MYO9A: variants seen among roughly 807,000 people sequenced by gnomAD.
MYO9A encodes myosin IXA.
Under a neutral mutation model 293.3 loss-of-function variants are expected in MYO9A, and 103 were observed. The ratio of observed to expected loss-of-function variants is 0.35; its 90% CI spans 0.30 to 0.41. The LOEUF is 0.41. Ranked by LOEUF, MYO9A falls within the 10% of genes least tolerant of loss-of-function variation. MYO9A has a pLI of 1.00. For synonymous variants in MYO9A, 1,001 were observed against 1,035.7 expected, an observed-to-expected ratio of 0.97 and a Z score of 0.64; for missense variants, 2,685 against 3,033.0, an observed-to-expected ratio of 0.89 and a Z score of 2.69.
chr15:72,096,459 G>C (rs77854025), intron 1 of MYO9A, among the ~76,000 whole-genome samples: 1 of 152,152 alleles, frequency 6.6e-6, no homozygotes, highest in Admixed American at 6.6e-5. Flanking sequence ...TAAGCCCACC[G>C]TTGAGACCTA....
intron 32 of MYO9A, among the ~76,000 whole-genome samples, chr15:71,874,211 A>G (rs144879565): frequency 6.6e-6 from 1 of 152,338 alleles, no homozygotes; most frequent in East Asian, 1.9e-4. Context: ...AAGATTTGGG[A>G]ATTTTGTTTA....
At chr15:71,913,452 A>G (rs1220677973) in intron 19 of MYO9A, among the ~76,000 whole-genome samples, 3 of 152,172 alleles carry the variant, frequency 2.0e-5, no homozygotes, top group Admixed American at 2.0e-4. Context: ...CAAAATAAAA[A>G]ATCTATTTTG....
intron 1 of MYO9A, among the ~76,000 whole-genome samples, chr15:72,048,376 G>C (rs1237769696): frequency 1.3e-5 from 2 of 151,126 alleles, no homozygotes; most frequent in East Asian, 3.9e-4. Flanking sequence ...TCCAGCCTGG[G>C]TGACAGAATG....
At chr15:71,900,055 C>A in intron 23 of MYO9A, 49 bp from the exon 24 acceptor site, 4 of 1,473,502 alleles carry the variant, frequency 2.7e-6, no homozygotes, top group Admixed American at 2.1e-5. Context: ...TCTTACACTG[C>A]ATTTTCACAG....
Position 71,940,061 on chromosome 15 carries a change from A to G in MYO9A, c.2303-1134T>C, listed in dbSNP as rs1313595022. ...GCTGGGCAACTTAGACTTCATCTAT[A>G]CTAAAAATAAAAAATACATGTAAGT... On this transcript the variant is annotated intron_variant, in intron 15 of 41. Coordinates refer to ENST00000356056, the MANE Select transcript of MYO9A (RefSeq NM_006901.4). 2.6e-5 allele frequency among the ~76,000 whole-genome samples: 4 copies of G among 152,102 alleles called. No individual in the cohort carries two copies. The East Asian group carries it at 5.8e-4, about 22-fold the overall frequency.
intron 18 of MYO9A, among the ~76,000 whole-genome samples, chr15:71,930,294 G>A (rs2058439552): frequency 6.6e-6 from 1 of 151,960 alleles, no homozygotes; most frequent in African/African-American, 2.4e-5. Flanking sequence ...GTTGAAAGTG[G>A]GGTACTGAAA....
chr15:72,024,032 G>A (rs2077587687), intron 4 of MYO9A, among the ~76,000 whole-genome samples: 4 of 151,756 alleles, frequency 2.6e-5, no homozygotes, highest in Admixed American at 2.0e-4. Flanking sequence ...TATTCAAAAC[G>A]TTGAAAGGAA....
At chr15:71,913,760 T>C (rs370056910) in intron 19 of MYO9A, among the ~76,000 whole-genome samples, 7 of 152,224 alleles carry the variant, frequency 4.6e-5, no homozygotes, top group African/African-American at 1.7e-4. Flanking sequence ...TCAGTCTGAT[T>C]CTTTTAAGAC....
chr15:71,945,544 C>T (rs2058891821), intron 15 of MYO9A, among the ~76,000 whole-genome samples: 1 of 152,038 alleles, frequency 6.6e-6, no homozygotes, highest in African/African-American at 2.4e-5. Context: ...ATTTGTAAAT[C>T]ATTTTCTTAG....
intron 32 of MYO9A, among the ~76,000 whole-genome samples, chr15:71,864,435 T>C (rs1313469264): frequency 1.3e-5 from 2 of 152,214 alleles, no homozygotes; most frequent in African/African-American, 4.8e-5. Flanking sequence ...TTCTGAAAAC[T>C]GGAAGCATAG....
chr15:72,074,695 G>A (rs1184918681), intron 1 of MYO9A, among the ~76,000 whole-genome samples: 1 of 152,226 alleles, frequency 6.6e-6, no homozygotes, highest in Non-Finnish European at 1.5e-5. Flanking sequence ...GATCTGCAGA[G>A]TAGAAAGTCA....
At chr15:71,966,928 C>T (rs1453500439) in intron 13 of MYO9A, among the ~76,000 whole-genome samples, 2 of 152,000 alleles carry the variant, frequency 1.3e-5, no homozygotes, top group Non-Finnish European at 2.9e-5. Flanking sequence ...TGTCTATTCT[C>T]TAAGTTCATT....
At chr15:71,910,168 G>GTGTA (rs56277057) in intron 19 of MYO9A, among the ~76,000 whole-genome samples, 1 of 128,330 alleles carries the variant, frequency 7.8e-6, no homozygotes, top group Non-Finnish European at 1.6e-5. Context: ...ATATATACGT[G>GTGTA]TATATATATA....
chr15:71,845,218 T>G (rs1036182504), intron 39 of MYO9A, among the ~76,000 whole-genome samples: 4 of 152,198 alleles, frequency 2.6e-5, no homozygotes, highest in African/African-American at 9.6e-5. Context: ...GTATTATAAC[T>G]AGGTATCCAA....
At chr15:71,995,435 A>G (rs1304928248) in intron 9 of MYO9A, among the ~76,000 whole-genome samples, 2 of 151,818 alleles carry the variant, frequency 1.3e-5, no homozygotes, top group Admixed American at 1.3e-4. Flanking sequence ...TACAAAATTT[A>G]TTTTTTCCTC....
intron 14 of MYO9A, among the ~76,000 whole-genome samples, chr15:71,955,507 G>A (rs1304020596): frequency 6.6e-6 from 1 of 152,146 alleles, no homozygotes; most frequent in Non-Finnish European, 1.5e-5. Flanking sequence ...GATTTTTTGT[G>A]ACTCATTCAT....
rs1171848073 is a variant in MYO9A, at chr15:71,898,250, G to A, written c.4253C>T (p.Pro1418Leu). The A allele has an allele frequency of 3.7e-6, 6 of 1,614,092 alleles. No individual in the cohort carries two copies. Among genetic ancestry groups the A allele is most frequent in the Admixed American group, 3.3e-5 (2 of 59,994 alleles). The change falls in exon 25 of 42, where the codon CCT (proline) becomes CTT (leucine). Residue 1418 changes from proline (P) to leucine (L), a missense_variant. Physicochemically the swap from Pro to Leu is moderately conservative, Grantham distance 98 (BLOSUM62 -3). Coordinates refer to ENST00000356056, the MANE Select transcript of MYO9A (RefSeq NM_006901.4). ...LKDSFISNSL[P>L]TFFYIPQQDP... ...TTGTTGGGGGATATAAAAAAAAGTA[G>A]GTAGACTATTTGAAATGAAGGAGTC... is the stretch of plus-strand genomic sequence containing the variant.
At chr15:71,860,592 G>A (rs2056077434) in intron 33 of MYO9A, among the ~76,000 whole-genome samples, 1 of 152,072 alleles carries the variant, frequency 6.6e-6, no homozygotes, top group South Asian at 2.1e-4. Context: ...TGAAGGCCAA[G>A]ATCAAGTAAG....
chr15:72,002,655 A>G (rs1035681274), intron 8 of MYO9A, among the ~76,000 whole-genome samples: 1 of 152,260 alleles, frequency 6.6e-6, no homozygotes, highest in African/African-American at 2.4e-5. Context: ...GACCGAAAAC[A>G]TGCAAAACTA....
Sources: gnomAD v4.1 joint callset for allele counts (sites outside exome capture counted in the v4.1 genomes callset) on GRCh38, gnomAD v4.1.1 for gene constraint, MANE v1.5 for transcripts, NCBI Gene and HGNC (gene_info 2026-07-23, HGNC 2026-07-21) for gene names.